Variants in CDH8 observed in about 807,000 individuals in gnomAD.
The protein encoded by CDH8 is cadherin 8, also known as cadherin-8.
In CDH8, 17 loss-of-function variants were observed where a neutral mutation model predicts 68.1. The observed-to-expected ratio is 0.25, with a 90% confidence interval of 0.17 to 0.37. The LOEUF (loss-of-function observed/expected upper bound fraction) is 0.37, where lower values mean the gene tolerates loss of function less well. Among genes scored for constraint, CDH8 ranks in the 10% least tolerant of loss-of-function variants. The pLI, the probability that CDH8 is intolerant of heterozygous loss-of-function variation, is 1.00. For missense variants in CDH8, 763 were observed against 999.3 expected (o/e 0.76, Z 3.19); for synonymous variants, 372 against 365.1 (o/e 1.02, Z -0.21).
chr16:62,003,859 A>G (rs1965932704), intron 2 of CDH8, among the ~76,000 whole-genome samples: 1 of 152,212 alleles, frequency 6.6e-6, no homozygotes, highest in Admixed American at 6.5e-5. Flanking sequence ...AAAAGTAAGT[A>G]CCAATTAAAG....
At chr16:61,907,920 G>T (rs1964090214) in intron 2 of CDH8, among the ~76,000 whole-genome samples, 1 of 151,682 alleles carries the variant, frequency 6.6e-6, no homozygotes, top group Non-Finnish European at 1.5e-5. Context: ...GCTGGTGCCT[G>T]TAGTCCCAGC....
intron 2 of CDH8, among the ~76,000 whole-genome samples, chr16:61,961,754 CTA>C (rs1242840918): frequency 3.9e-5 from 6 of 152,206 alleles, no homozygotes; most frequent in African/African-American, 1.4e-4. Flanking sequence ...CTCTGTGCCT[CTA>C]TACCTAGAAC....
intron 3 of CDH8, among the ~76,000 whole-genome samples, chr16:61,890,532 T>C (rs1963756828): frequency 6.6e-6 from 1 of 152,150 alleles, no homozygotes; most frequent in Non-Finnish European, 1.5e-5. Flanking sequence ...CTAAATCAAA[T>C]TGAGGCAACA....
At position 61,888,675 on chromosome 16, in the gene CDH8, A is replaced by G. The variant is rs61352169; in HGVS notation, c.547+12504T>C. ...GAATGCTTAGGATAGCATTTTGCAC[A>G]TTTATTAAATATTAATCCCTATGTA... On this transcript the variant is annotated intron_variant, in intron 3 of 11. Transcript: ENST00000577390. 8.9e-3 allele frequency among the ~76,000 whole-genome samples: 1,357 copies of G among 152,310 alleles called. 23 individuals are homozygous for G. Among genetic ancestry groups the G allele is most frequent in the African/African-American group, 0.03 (1,256 of 41,568 alleles).
chr16:61,734,293 T>C (rs1178373332), intron 8 of CDH8, among the ~76,000 whole-genome samples: 4 of 152,142 alleles, frequency 2.6e-5, no homozygotes, highest in Non-Finnish European at 5.9e-5. Context: ...GCATTCCATT[T>C]AGAGAACATA....
rs557434635 is a variant in CDH8 at position 61,649,920 on chromosome 16, C to A, written c.*3688G>T. On this transcript the variant is annotated 3_prime_UTR_variant, in exon 12 of 12. Transcript: ENST00000577390. The stretch of plus-strand genomic sequence containing the variant: ...ATGCAGAGACTTGTCTTACTTTAAG[C>A]ATCTGATTAAGCAGACTCTCCCAAA... The A allele has an allele frequency of 5.3e-5, 8 of 152,218 alleles. No individual in the cohort carries two copies. Among genetic ancestry groups the A allele is most frequent in the African/African-American group, 1.9e-4 (8 of 41,556 alleles). The allele number at this position is 152,218 out of a possible 1,614,324, so 9.4% of individuals were successfully genotyped here.
At chr16:61,859,008 C>G (rs1373077152) in intron 3 of CDH8, among the ~76,000 whole-genome samples, 2 of 152,120 alleles carry the variant, frequency 1.3e-5, no homozygotes, top group African/African-American at 4.8e-5. Flanking sequence ...TTAGCAAGAT[C>G]TAGTCCGTCA....
At chr16:61,768,432 C>CTT (rs1960690924) in intron 8 of CDH8, among the ~76,000 whole-genome samples, 2 of 143,162 alleles carry the variant, frequency 1.4e-5, no homozygotes, top group African/African-American at 5.3e-5. Flanking sequence ...CTCTCTCCCT[C>CTT]TCCCTCTCTC....
chr16:61,836,104 G>T (rs1962562469), intron 4 of CDH8, among the ~76,000 whole-genome samples: 1 of 151,842 alleles, frequency 6.6e-6, no homozygotes, highest in Admixed American at 6.6e-5. Context: ...TGTTAATGTG[G>T]TCCTAATGCC....
At chr16:61,927,647 T>C (rs1419753323) in intron 2 of CDH8, among the ~76,000 whole-genome samples, 1 of 152,108 alleles carries the variant, frequency 6.6e-6, no homozygotes, top group Non-Finnish European at 1.5e-5. Flanking sequence ...TCATGAGTAA[T>C]GTTGGGGTCA....
chr16:61,682,741 ACTTGC>A (rs1328260545), intron 10 of CDH8, among the ~76,000 whole-genome samples: 2 of 151,940 alleles, frequency 1.3e-5, no homozygotes, highest in East Asian at 3.9e-4. Context: ...GCCATGGAGC[ACTTGC>A]AATTATCTTG....
chr16:61,652,536 C>A lies in CDH8; in HGVS notation c.*1072G>T, dbSNP rs1439409350. On this transcript the variant is annotated 3_prime_UTR_variant, in exon 12 of 12. Coordinates refer to ENST00000577390, the MANE Select transcript of CDH8 (RefSeq NM_001796.5). ...TTCCTGCCATCTCCAGTTACAATAACACTTTCTACTCTAAAGAGACTATTA... is the reference window on the plus strand; with the variant it reads ...TTCCTGCCATCTCCAGTTACAATAAAACTTTCTACTCTAAAGAGACTATTA... 9.7e-7 allele frequency: 1 copy of A among 1,028,336 alleles called. No individual in the cohort carries two copies. Among genetic ancestry groups the A allele is most frequent in the Non-Finnish European group, 1.2e-6 (1 of 858,370 alleles). The allele number at this position is 1,028,336 out of a possible 1,614,324, so 63.7% of individuals were successfully genotyped here.
intron 1 of CDH8, among the ~76,000 whole-genome samples, chr16:62,034,786 G>A (rs1339664362): frequency 6.6e-6 from 1 of 152,176 alleles, no homozygotes; most frequent in Non-Finnish European, 1.5e-5. Flanking sequence ...TTGGTGATAA[G>A]CTCTATCGTT....
intron 2 of CDH8, among the ~76,000 whole-genome samples, chr16:61,934,666 C>G (rs774115228): frequency 5.9e-5 from 9 of 152,170 alleles, no homozygotes; most frequent in Non-Finnish European, 8.8e-5. Context: ...TACAATGACT[C>G]TTTCCCTGCC....
intron 4 of CDH8, among the ~76,000 whole-genome samples, chr16:61,837,233 T>A (rs777434571): frequency 6.6e-6 from 1 of 152,116 alleles, no homozygotes; most frequent in Non-Finnish European, 1.5e-5. Flanking sequence ...TAGCATCAGC[T>A]GTTGGCTCAA....
Position 61,727,135 on chromosome 16 carries a change from C to T in CDH8, c.1495G>A (p.Glu499Lys), listed in dbSNP as rs771617779. 27 of 1,610,466 alleles carry T rather than the reference C, an allele frequency of 1.7e-5. No homozygotes were observed. The highest frequency in any genetic ancestry group is 2.1e-5 in the Non-Finnish European group (25 of 1,177,740). ...VNDNAPEFAS[E>K]YEAFLCENGK... is the part of the protein sequence containing the mutation. ...TTTTCACATAAAAATGCCTCATATT[C>T]GGATGCGAATTCAGGGGCGTTGTCA... is the stretch of plus-strand genomic sequence containing the variant. Residue 499 changes from glutamate to lysine, a missense_variant, in exon 9 of 12, where the codon GAA (glutamate) becomes AAA (lysine). Transcript: ENST00000577390.
intron 10 of CDH8, among the ~76,000 whole-genome samples, chr16:61,704,291 G>A (rs1397342949): frequency 1.3e-5 from 2 of 152,084 alleles, no homozygotes; most frequent in African/African-American, 4.8e-5. Flanking sequence ...CTTGTCTCCA[G>A]ACTTAAATGA....
intron 10 of CDH8, among the ~76,000 whole-genome samples, chr16:61,679,603 A>C (rs1180408182): frequency 6.6e-6 from 1 of 152,008 alleles, no homozygotes; most frequent in Non-Finnish European, 1.5e-5. Flanking sequence ...TTTTATCTCA[A>C]ATGATCAATG....
In CDH8 at chr16:61,972,497, T is replaced by C. The variant is rs534631764; in HGVS notation, c.252+48655A>G. Among the ~76,000 whole-genome samples the C allele has an allele frequency of 6.2e-4, 94 of 152,154 alleles. 1 individual carries two copies. The South Asian group carries it at 7.7e-3, about 12-fold the overall frequency. On this transcript the variant is annotated intron_variant, in intron 2 of 11. Coordinates refer to ENST00000577390, the MANE Select transcript of CDH8 (RefSeq NM_001796.5). ...TAGAGTCGTGTTGAGATCTACTGTG[T>C]AGCTAGAATGCATGTACCTCTCTTC...
Sources: allele counts gnomAD v4.1 joint callset (sites outside exome capture counted in the v4.1 genomes callset), GRCh38; gene constraint gnomAD v4.1.1; transcripts MANE v1.5; gene names NCBI Gene and HGNC (gene_info 2026-07-23, HGNC 2026-07-21).